Variants in NECTIN3 observed in about 807,000 individuals in gnomAD.
NECTIN3 encodes the protein nectin-3.
NECTIN3 carries 8 observed loss-of-function variants against 49.4 expected under a neutral mutation model. The observed-to-expected ratio is 0.16, with a 90% confidence interval of 0.10 to 0.29. The LOEUF (loss-of-function observed/expected upper bound fraction) is 0.29. Ranked by LOEUF, NECTIN3 falls within the 10% of genes least tolerant of loss-of-function variation. The pLI, the probability that NECTIN3 is intolerant of heterozygous loss-of-function variation, is 1.00. For synonymous variants in NECTIN3, 277 were observed against 241.1 expected (o/e 1.15, Z -1.38); for missense variants, 581 against 654.6 (o/e 0.89, Z 1.23).
chr3:111,185,829 G>C (rs2035709903), intron 7 of NECTIN3, among the ~76,000 whole-genome samples: 2 of 152,246 alleles, frequency 1.3e-5, no homozygotes, highest in South Asian at 4.1e-4. Flanking sequence ...AAAGAAAAGA[G>C]ACAATTCCCT....
At chr3:111,102,507 G>T (rs1444532167) in intron 1 of NECTIN3, among the ~76,000 whole-genome samples, 1 of 152,172 alleles carries the variant, frequency 6.6e-6, no homozygotes, top group African/African-American at 2.4e-5. Flanking sequence ...GTTAAATCTT[G>T]TTCTGTGCCT....
At chr3:111,117,310 G>A (rs1004810690) in intron 2 of NECTIN3, among the ~76,000 whole-genome samples, 2 of 152,194 alleles carry the variant, frequency 1.3e-5, no homozygotes, top group East Asian at 3.9e-4. Flanking sequence ...AGATTTGCAT[G>A]TGTTGGTTGT....
At chr3:111,090,143 C>T (rs1001797728) in intron 1 of NECTIN3, among the ~76,000 whole-genome samples, 10 of 152,134 alleles carry the variant, frequency 6.6e-5, no homozygotes, top group Admixed American at 2.0e-4. Context: ...AAATTTAAGA[C>T]GTATCTTTTG....
chr3:111,158,579 G>A (rs529809735), intron 7 of NECTIN3, among the ~76,000 whole-genome samples: 14 of 152,140 alleles, frequency 9.2e-5, no homozygotes, highest in African/African-American at 3.1e-4. Context: ...AATTGCAGAC[G>A]ATATTTAAGA....
At chr3:111,149,150 A>G (rs2034945699) in intron 7 of NECTIN3, among the ~76,000 whole-genome samples, 1 of 152,064 alleles carries the variant, frequency 6.6e-6, no homozygotes, top group Non-Finnish European at 1.5e-5. Flanking sequence ...AAATTCTCAT[A>G]CATATTAGGT....
rs2034526063 is a variant in NECTIN3 at position 111,134,974 on chromosome 3, A to C, written c.*759A>C. On this transcript the variant is annotated 3_prime_UTR_variant, in exon 6 of 6. Transcript: ENST00000485303. ...ATACCTTTCAAACATGATAATTATT[A>C]GTTTTTTTTTTTCCTTTCTGGAACA... 2.1e-6 allele frequency: 2 copies of C among 961,152 alleles called. No homozygotes were observed. The highest frequency in any genetic ancestry group is 6.2e-5 in the Admixed American group (1 of 16,028). 59.5% of individuals were successfully genotyped at this position (961,152 alleles called of 1,614,324 possible). A position where few individuals can be genotyped will look rare whatever the true frequency, so the allele number is the denominator to read the frequency against.
intron 5 of NECTIN3, among the ~76,000 whole-genome samples, chr3:111,131,823 T>A (rs2034401989): frequency 6.6e-6 from 1 of 151,790 alleles, no homozygotes; most frequent in Non-Finnish European, 1.5e-5. Flanking sequence ...AACTAGCATA[T>A]AAAGAACCAT....
chr3:111,096,522 C>T (rs936638056), intron 1 of NECTIN3, among the ~76,000 whole-genome samples: 10 of 152,218 alleles, frequency 6.6e-5, no homozygotes, highest in Non-Finnish European at 1.3e-4. Flanking sequence ...GGGAAAACGT[C>T]TCCATGCCAT....
chr3:111,129,889 A>G (rs1027614149), intron 5 of NECTIN3, among the ~76,000 whole-genome samples: 9 of 151,808 alleles, frequency 5.9e-5, no homozygotes, highest in East Asian at 3.9e-4. Flanking sequence ...AGCTCAGGCA[A>G]TCCACCCACC....
chr3:111,123,446 T>A (rs1198288339), intron 4 of NECTIN3, among the ~76,000 whole-genome samples: 1 of 152,176 alleles, frequency 6.6e-6, no homozygotes, highest in Non-Finnish European at 1.5e-5. Context: ...CAGTGGGGAT[T>A]GCTCATTAGA....
intron 7 of NECTIN3, among the ~76,000 whole-genome samples, chr3:111,186,003 C>T (rs940401927): frequency 2.0e-5 from 3 of 151,940 alleles, no homozygotes; most frequent in African/African-American, 7.3e-5. Flanking sequence ...GGCACGAGAC[C>T]AGAATCAAAG....
chr3:111,143,517 A>G (rs1181072374), intron 5 of NECTIN3, among the ~76,000 whole-genome samples: 1 of 151,966 alleles, frequency 6.6e-6, no homozygotes, highest in Admixed American at 6.6e-5. Flanking sequence ...TGTTACCCAC[A>G]TTTAAACAAA....
intron 1 of NECTIN3, among the ~76,000 whole-genome samples, chr3:111,098,625 T>C (rs961142375): frequency 6.6e-6 from 1 of 152,222 alleles, no homozygotes; most frequent in Non-Finnish European, 1.5e-5. Context: ...TCCTGAGACC[T>C]TTAACTTAAT....
At chr3:111,143,232 C>A (rs2034793647) in intron 5 of NECTIN3, among the ~76,000 whole-genome samples, 1 of 151,606 alleles carries the variant, frequency 6.6e-6, no homozygotes, top group South Asian at 2.1e-4. Context: ...AGTACATATT[C>A]AAATGGAGAT....
At chr3:111,121,790 C>T (rs1178565967) in intron 3 of NECTIN3, among the ~76,000 whole-genome samples, 1 of 152,092 alleles carries the variant, frequency 6.6e-6, no homozygotes, top group Admixed American at 6.6e-5. Flanking sequence ...TTGCTTTGTT[C>T]CTGTATCTCT....
At chr3:111,185,916 T>A (rs2035711366) in intron 7 of NECTIN3, among the ~76,000 whole-genome samples, 1 of 152,220 alleles carries the variant, frequency 6.6e-6, no homozygotes. Context: ...TTATAAAATG[T>A]TGTATTATAA....
chr3:111,111,501 T>C (rs934886000), intron 1 of NECTIN3, among the ~76,000 whole-genome samples: 2 of 152,176 alleles, frequency 1.3e-5, no homozygotes, highest in African/African-American at 4.8e-5. Flanking sequence ...AGATCCTACA[T>C]GCATAAGTTA....
chr3:111,125,505 G>A (rs1224453603), intron 4 of NECTIN3, among the ~76,000 whole-genome samples: 1 of 152,148 alleles, frequency 6.6e-6, no homozygotes, highest in African/African-American at 2.4e-5. Flanking sequence ...ATGGTTTAGA[G>A]TAATATGGAT....
intron 1 of NECTIN3, among the ~76,000 whole-genome samples, chr3:111,092,560 T>C (rs2032331458): frequency 6.6e-6 from 1 of 152,180 alleles, no homozygotes; most frequent in African/African-American, 2.4e-5. Context: ...ATTATTCTTT[T>C]CCCATTGAAT....
Sources: allele counts gnomAD v4.1 joint callset (sites outside exome capture counted in the v4.1 genomes callset), GRCh38; gene constraint gnomAD v4.1.1; transcripts MANE v1.5; gene names NCBI Gene and HGNC (gene_info 2026-07-23, HGNC 2026-07-21).